The following B3GAT2 variants were observed in gnomAD, a reference collection of about 807,000 sequenced individuals.
B3GAT2 encodes the protein galactosylgalactosylxylosylprotein 3-beta-glucuronosyltransferase 2.
In B3GAT2, 26 loss-of-function variants were observed where a neutral mutation model predicts 27.8. The observed-to-expected ratio is 0.93, with a 90% CI of 0.68 to 1.30. The LOEUF is 1.30. B3GAT2 is among the 50% of genes most tolerant of loss of function. The pLI is 0.00. For synonymous variants in B3GAT2, 218 were observed against 195.1 expected (o/e 1.12, Z -0.98); for missense variants, 458 against 459.0 (o/e 1.00, Z 0.02).
intron 1 of B3GAT2, among the ~76,000 whole-genome samples, chr6:70,897,522 T>G (rs111705826): frequency 0.03 from 4,597 of 152,110 alleles, 83 homozygotes; most frequent in African/African-American, 0.046. Context: ...GCGGATCACT[T>G]GAGGTCAGGA....
intron 2 of B3GAT2, among the ~76,000 whole-genome samples, chr6:70,873,835 T>C (rs892547497): frequency 2.0e-5 from 3 of 152,110 alleles, no homozygotes; most frequent in Admixed American, 2.0e-4. Context: ...AGCCCCTCTA[T>C]TGAATTTTTT....
At chr6:70,938,782 A>G (rs936760265) in intron 1 of B3GAT2, among the ~76,000 whole-genome samples, 5 of 152,014 alleles carry the variant, frequency 3.3e-5, no homozygotes, top group African/African-American at 1.2e-4. Context: ...GTTAGACCTA[A>G]AACCATAAAA....
In B3GAT2 at chr6:70,944,306, A is replaced by T. The variant is rs915827024; in HGVS notation, c.591+11533T>A. ...ACTCGGGAAGCGCAAGGGGTCAGGG[A>T]GTTCCCTTTCCTAGTCAAAGAAAGG... On this transcript the variant is annotated intron_variant, in intron 1 of 3. Coordinates refer to ENST00000230053, the MANE Select transcript of B3GAT2 (RefSeq NM_080742.3). Among the ~76,000 whole-genome samples the T allele has an allele frequency of 4.8e-4, 73 of 152,146 alleles. 2 individuals carry two copies. Among genetic ancestry groups the T allele is most frequent in the African/African-American group, 1.6e-3 (66 of 41,444 alleles).
At chr6:70,877,723 G>A (rs778995609) in intron 2 of B3GAT2, among the ~76,000 whole-genome samples, 6 of 152,190 alleles carry the variant, frequency 3.9e-5, no homozygotes, top group Admixed American at 6.5e-5. Context: ...GACTGTCCAC[G>A]CTTCCCCACT....
At chr6:70,864,199 T>C (rs1203829952) in intron 2 of B3GAT2, among the ~76,000 whole-genome samples, 1 of 151,976 alleles carries the variant, frequency 6.6e-6, no homozygotes, top group Non-Finnish European at 1.5e-5. Context: ...GGGATCCAAA[T>C]TGTGCAGAGG....
chr6:70,858,287 CTTT>C lies in B3GAT2; in HGVS notation c.*3373_*3375del, dbSNP rs68188898. On this transcript the variant is annotated 3_prime_UTR_variant, in exon 4 of 4. Transcript: ENST00000230053. ...ATCAAACCAGATTTATTTTCTAAAT[CTTT>C]TTTTTTTTTTTTTTTTTTTTTTTTT... is the stretch of plus-strand genomic sequence containing the variant. The C allele has an allele frequency of 0.083, 23,166 of 279,950 alleles. 18 individuals are homozygous for C. Among genetic ancestry groups the C allele is most frequent in the Middle Eastern group, 0.13 (95 of 746 alleles). 17.3% of individuals were successfully genotyped at this position (279,950 alleles called of 1,614,324 possible).
chr6:70,894,161 TCCAGCCGGTGTA>T lies in B3GAT2; in HGVS notation c.691_702del (p.Tyr231_Trp234del), dbSNP rs1772338430. 6.2e-7 allele frequency: 1 copy of T among 1,613,156 alleles called. No homozygotes were observed. The highest frequency in any genetic ancestry group is 1.7e-5 in the Admixed American group (1 of 59,948). Reference sequence around the variant, plus strand: ...TCGATGGCAAAAGGCCTGTCTGCTCTCCAGCCGGTGTACCAGCCAACAACTTTGCCGTTTTCC... The same window carrying T: ...TCGATGGCAAAAGGCCTGTCTGCTCTCCAGCCAACAACTTTGCCGTTTTCC... On this transcript the variant is annotated inframe_deletion, in exon 2 of 4. Transcript: ENST00000230053.
chr6:70,915,568 G>T (rs1299448650), intron 1 of B3GAT2, among the ~76,000 whole-genome samples: 1 of 152,114 alleles, frequency 6.6e-6, no homozygotes, highest in East Asian at 1.9e-4. Flanking sequence ...TATCCATCTT[G>T]AGTTAATTTT....
At chr6:70,924,460 A>C (rs1280525279) in intron 1 of B3GAT2, among the ~76,000 whole-genome samples, 1 of 152,214 alleles carries the variant, frequency 6.6e-6, no homozygotes, top group Admixed American at 6.5e-5. Context: ...TAGCCAAAAG[A>C]ATCTTGAAAA....
chr6:70,956,585 G>A lies in B3GAT2; in HGVS notation c.-156C>T. The A allele has an allele frequency of 6.9e-6, 10 of 1,451,492 alleles. No homozygotes were observed. The highest frequency in any genetic ancestry group is 9.0e-6 in the Non-Finnish European group (10 of 1,108,870). The allele number at this position is 1,451,492 out of a possible 1,614,324, so 89.9% of individuals were successfully genotyped here. Reference sequence around the variant, plus strand: ...CGCTGCAGAGACCTGGAGCCGCGGGGCTCACTACCTGGGCGTGGAGGAGCG... The same window carrying A: ...CGCTGCAGAGACCTGGAGCCGCGGGACTCACTACCTGGGCGTGGAGGAGCG... On this transcript the variant is annotated 5_prime_UTR_variant, in exon 1 of 4. Coordinates refer to ENST00000230053, the MANE Select transcript of B3GAT2 (RefSeq NM_080742.3).
At chr6:70,924,677 T>A (rs569044430) in intron 1 of B3GAT2, among the ~76,000 whole-genome samples, 1 of 152,328 alleles carries the variant, frequency 6.6e-6, no homozygotes, top group Non-Finnish European at 1.5e-5. Context: ...CCAGCCTGCA[T>A]CTTGCCTTTA....
chr6:70,900,214 T>C (rs560188980), intron 1 of B3GAT2, among the ~76,000 whole-genome samples: 2 of 152,234 alleles, frequency 1.3e-5, no homozygotes, highest in South Asian at 2.1e-4. Flanking sequence ...GCCAGAGTAA[T>C]CTCCATAGAC....
chr6:70,905,901 G>A (rs1772593733), intron 1 of B3GAT2, among the ~76,000 whole-genome samples: 1 of 151,708 alleles, frequency 6.6e-6, no homozygotes, highest in South Asian at 2.1e-4. Context: ...GTGTGTGTGT[G>A]TGTATGTGTG....
At chr6:70,892,624 G>C (rs1298289942) in intron 2 of B3GAT2, among the ~76,000 whole-genome samples, 2 of 152,188 alleles carry the variant, frequency 1.3e-5, no homozygotes, top group Non-Finnish European at 2.9e-5. Flanking sequence ...GGCCAGGAAA[G>C]GAGGGCTGCA....
rs1275294882 is a variant in B3GAT2 at position 70,860,745 on chromosome 6, A to G, written c.*918T>C. ...CTGTAGGAAGGTACTGTATGATCAA[A>G]TGTTTAATCATATAAATAGAATGTA... On this transcript the variant is annotated 3_prime_UTR_variant, in exon 4 of 4. Transcript: ENST00000230053. 5.0e-6 allele frequency: 2 copies of G among 400,398 alleles called. No homozygotes were observed. Among genetic ancestry groups the G allele is most frequent in the African/African-American group, 2.1e-5 (1 of 48,626 alleles). 24.8% of individuals were successfully genotyped at this position (400,398 alleles called of 1,614,324 possible).
At chr6:70,954,453 C>T (rs1031617666) in intron 1 of B3GAT2, among the ~76,000 whole-genome samples, 1 of 152,028 alleles carries the variant, frequency 6.6e-6, no homozygotes, top group Non-Finnish European at 1.5e-5. Context: ...GAAATGAAGG[C>T]GGCAATTACC....
chr6:70,951,643 G>A (rs1046120006), intron 1 of B3GAT2, among the ~76,000 whole-genome samples: 2 of 151,942 alleles, frequency 1.3e-5, no homozygotes, highest in Admixed American at 1.3e-4. Flanking sequence ...GAAAACTACT[G>A]GTCTCCAAAG....
intron 2 of B3GAT2, among the ~76,000 whole-genome samples, chr6:70,864,557 G>A (rs1771818669): frequency 6.6e-6 from 1 of 152,202 alleles, no homozygotes; most frequent in South Asian, 2.1e-4. Context: ...ACAAAGGGGT[G>A]GAGGAGCACA....
intron 1 of B3GAT2, among the ~76,000 whole-genome samples, chr6:70,903,903 A>G (rs1360124035): frequency 6.6e-6 from 1 of 152,226 alleles, no homozygotes; most frequent in African/African-American, 2.4e-5. Flanking sequence ...CAGAGAAATG[A>G]AAGCTCATGT....
Sources: gnomAD v4.1 joint callset for allele counts (sites outside exome capture counted in the v4.1 genomes callset) on GRCh38, gnomAD v4.1.1 for gene constraint, MANE v1.5 for transcripts, NCBI Gene and HGNC (gene_info 2026-07-23, HGNC 2026-07-21) for gene names.